Variants in PCDH11X observed in about 807,000 individuals in gnomAD.
The protein encoded by PCDH11X is protocadherin 11 X-linked, also known as protocadherin-11 X-linked.
PCDH11X carries 18 observed loss-of-function variants against 53.3 expected under a neutral mutation model. The observed-to-expected ratio is 0.34, with a 90% CI of 0.23 to 0.50. PCDH11X has a LOEUF of 0.50. PCDH11X is among the 20% of genes least tolerant of loss of function. The pLI, the probability that PCDH11X is intolerant of heterozygous loss-of-function variation, is 0.98. For synonymous variants in PCDH11X, 279 were observed against 393.3 expected (o/e 0.71, Z 3.44); for missense variants, 570 against 1,032.4 (o/e 0.55, Z 6.14).
chrX:92,581,059 C>G (rs1179663485), intron 10 of PCDH11X, among the ~76,000 whole-genome samples: 1 of 111,185 alleles, frequency 9.0e-6, no homozygotes, highest in Non-Finnish European at 1.9e-5. Flanking sequence ...TTCTAATCAG[C>G]AATCTTGACT....
chrX:92,578,213 G>A (rs1344146446), intron 10 of PCDH11X, among the ~76,000 whole-genome samples: 1 of 97,684 alleles, frequency 1.0e-5, no homozygotes, highest in African/African-American at 3.9e-5. Context: ...TCTATTGGGG[G>A]ATGGGGGGCT....
At chrX:92,003,504 C>T (rs1291875171) in intron 6 of PCDH11X, among the ~76,000 whole-genome samples, 3 of 106,618 alleles carry the variant, frequency 2.8e-5, no homozygotes, top group African/African-American at 1.0e-4. Flanking sequence ...GTCATGGGGT[C>T]CCAGGCTTTT....
intron 6 of PCDH11X, among the ~76,000 whole-genome samples, chrX:91,937,350 C>T (rs1363567390): frequency 9.1e-6 from 1 of 110,271 alleles, no homozygotes; most frequent in Non-Finnish European, 1.9e-5. Context: ...TAAAATAAGC[C>T]TATCTAAAGA....
intron 10 of PCDH11X, among the ~76,000 whole-genome samples, chrX:92,580,441 C>A (rs1242399571): frequency 9.7e-6 from 1 of 102,931 alleles, no homozygotes; most frequent in Non-Finnish European, 2.0e-5. Flanking sequence ...GCTGGAGGTG[C>A]TGAAATTTCG....
chrX:91,847,736 T>G (rs750590864), intron 5 of PCDH11X, among the ~76,000 whole-genome samples: 72 of 111,681 alleles, frequency 6.4e-4, no homozygotes, highest in African/African-American at 2.1e-3. Context: ...AGAAACGCTG[T>G]CATCAAGCTT....
chrX:92,352,408 C>G (rs1262133372), intron 8 of PCDH11X, among the ~76,000 whole-genome samples: 1 of 111,401 alleles, frequency 9.0e-6, no homozygotes, highest in Non-Finnish European at 1.9e-5. Flanking sequence ...TTTTTTTGAT[C>G]TCCATAAATT....
At chrX:92,009,089 A>C (rs2062647615) in intron 6 of PCDH11X, among the ~76,000 whole-genome samples, 1 of 112,503 alleles carries the variant, frequency 8.9e-6, no homozygotes, top group African/African-American at 3.2e-5. Context: ...TTTTTAAGAA[A>C]ATCAGCAAAA....
intron 6 of PCDH11X, among the ~76,000 whole-genome samples, chrX:92,159,053 T>G (rs2065590825): frequency 8.9e-6 from 1 of 112,315 alleles, no homozygotes. Flanking sequence ...TATCTTAATA[T>G]CTCATGGATT....
At chrX:92,569,958 G>A (rs1160054752) in intron 10 of PCDH11X, among the ~76,000 whole-genome samples, 3 of 97,197 alleles carry the variant, frequency 3.1e-5, no homozygotes, top group Non-Finnish European at 6.1e-5. Context: ...GGAGGTTGCA[G>A]TGAGCCGAGA....
chrX:91,908,352 A>G (rs1480476789), intron 6 of PCDH11X, among the ~76,000 whole-genome samples: 1 of 112,209 alleles, frequency 8.9e-6, no homozygotes, highest in Non-Finnish European at 1.9e-5. Context: ...CAACGCCATA[A>G]AAAAAGTGGG....
intron 9 of PCDH11X, among the ~76,000 whole-genome samples, chrX:92,388,927 TAATCCTCTATTTTTGAAACTTCAAAA>T (rs1271108006): frequency 1.1e-5 from 1 of 88,179 alleles, no homozygotes. Flanking sequence ...CATTGTATTT[TAATCCTCTATTTTTGAAACTTCAAAA>T]AATAGGGAAA....
intron 6 of PCDH11X, among the ~76,000 whole-genome samples, chrX:91,981,795 CT>C (rs1030975957): frequency 2.9e-5 from 3 of 104,945 alleles, no homozygotes; most frequent in Admixed American, 2.1e-4. Flanking sequence ...TTGTTGTTTT[CT>C]TTTTTTTAGG....
Position 92,016,333 on chromosome X carries a change from A to G in PCDH11X, c.3033+137060A>G, listed in dbSNP as rs1334850587. On this transcript the variant is annotated intron_variant, in intron 6 of 10. Coordinates refer to ENST00000682573, the MANE Select transcript of PCDH11X (RefSeq NM_032968.5). ...TGCATTAGGCCCTAACAAGAGAGTC[A>G]ATATGTACTTTGAAGCTTTAAAGCC... 2.1e-3 allele frequency among the ~76,000 whole-genome samples: 223 copies of G among 108,253 alleles called. 1 individual carries two copies. Among genetic ancestry groups the G allele is most frequent in the Admixed American group, 4.1e-3 (41 of 9,956 alleles). The allele number at this position is 108,253 out of a possible 115,157, so 94.0% of individuals were successfully genotyped here.
rs1258573896 is a variant in PCDH11X, at chrX:92,376,280, A to G, written c.3145-11455A>G. ...GTCTTTTATGACCAGTTTCCAACTT[A>G]GAGTTTACCCTCTTAACATCGAGTT... is the stretch of plus-strand genomic sequence containing the variant. On this transcript the variant is annotated intron_variant, in intron 8 of 10. Transcript: ENST00000682573. 5.4e-5 allele frequency among the ~76,000 whole-genome samples: 6 copies of G among 112,101 alleles called. No individual in the cohort carries two copies. The South Asian group carries it at 2.2e-3, about 41-fold the overall frequency.
intron 10 of PCDH11X, among the ~76,000 whole-genome samples, chrX:92,530,910 T>TTC (rs1222957013): frequency 9.1e-6 from 1 of 109,859 alleles, no homozygotes; most frequent in Non-Finnish European, 1.9e-5. Flanking sequence ...GCAATTTTTT[T>TTC]TATAATTCTC....
rs532334653 is a variant in PCDH11X, at chrX:91,808,950, T to C, written c.-378-516T>C. Among the ~76,000 whole-genome samples the C allele has an allele frequency of 6.5e-4, 70 of 107,763 alleles. No individual in the cohort carries two copies. The South Asian group carries it at 0.028, about 44-fold the overall frequency. The allele number at this position is 107,763 out of a possible 115,157, so 93.6% of individuals were successfully genotyped here. ...CTTTAGTAAAATTATAATTAACGTA[T>C]AAGGTTTGTTTAATGGCTACAATTT... On this transcript the variant is annotated intron_variant, in intron 1 of 10. Transcript: ENST00000682573.
At chrX:91,983,524 G>T (rs983038959) in intron 6 of PCDH11X, 5 of 503,246 alleles carry the variant, frequency 9.9e-6, no homozygotes, top group Non-Finnish European at 1.4e-5. Flanking sequence ...TAGAGGTGGT[G>T]GCAGTGGGCT....
intron 9 of PCDH11X, among the ~76,000 whole-genome samples, chrX:92,418,264 A>AT (rs1166336220): frequency 3.7e-5 from 4 of 109,365 alleles, no homozygotes; most frequent in Non-Finnish European, 5.7e-5. Flanking sequence ...AATAAAGCAA[A>AT]TTTTTTTATT....
At chrX:92,610,517 G>A (rs959587501) in intron 10 of PCDH11X, among the ~76,000 whole-genome samples, 116 of 109,668 alleles carry the variant, frequency 1.1e-3, no homozygotes, top group African/African-American at 3.7e-3. Context: ...TGTATACTTT[G>A]GGAACATTTT....
Sources: gnomAD v4.1 joint callset for allele counts (sites outside exome capture counted in the v4.1 genomes callset) on GRCh38, gnomAD v4.1.1 for gene constraint, MANE v1.5 for transcripts, NCBI Gene and HGNC (gene_info 2026-07-23, HGNC 2026-07-21) for gene names.